Variants in MAGEB1 observed in about 807,000 individuals in gnomAD.
MAGEB1 encodes the protein MAGE family member B1, also known as melanoma-associated antigen B1.
For missense variants in MAGEB1, 290 were observed against 286.7 expected (o/e 1.01, Z -0.08); for synonymous variants, 99 against 105.7 (o/e 0.94, Z 0.39).
In MAGEB1 at chrX:30,251,941, T is replaced by G. The variant is rs1214886940; in HGVS notation, c.*404T>G. On this transcript the variant is annotated 3_prime_UTR_variant, in exon 2 of 2. Transcript: ENST00000397548. ...TAAGCAAAGCATGTCAAGTTTTTGT[T>G]TTCTGCATTCAGTTTTGTTTTTGTA... 7.4e-6 allele frequency: 1 copy of G among 135,997 alleles called. No individual in the cohort carries two copies. Among genetic ancestry groups the G allele is most frequent in the Non-Finnish European group, 1.6e-5 (1 of 61,995 alleles). 11.2% of individuals were successfully genotyped at this position (135,997 alleles called of 1,213,427 possible). A position where few individuals can be genotyped will look rare whatever the true frequency, so the allele number is the denominator to read the frequency against.
Position 30,251,946 on chromosome X carries a change from G to A in MAGEB1, c.*409G>A. ...AAAGCATGTCAAGTTTTTGTTTTCT[G>A]CATTCAGTTTTGTTTTTGTAAAATC... On this transcript the variant is annotated 3_prime_UTR_variant, in exon 2 of 2. Coordinates refer to ENST00000397548, the MANE Select transcript of MAGEB1 (RefSeq NM_177404.3). The A allele has an allele frequency of 7.4e-6, 1 of 135,131 alleles. No homozygotes were observed. The highest frequency in any genetic ancestry group is 1.6e-5 in the Non-Finnish European group (1 of 60,793). 11.1% of individuals were successfully genotyped at this position (135,131 alleles called of 1,213,427 possible).
At chrX:30,248,865 A>G (rs1232572728) in intron 1 of MAGEB1, among the ~76,000 whole-genome samples, 1 of 111,876 alleles carries the variant, frequency 8.9e-6, no homozygotes, top group East Asian at 2.8e-4. Flanking sequence ...TCCTTGGGAG[A>G]TGATGGACAA....
At chrX:30,248,102 G>A (rs901911837) in intron 1 of MAGEB1, among the ~76,000 whole-genome samples, 4 of 111,390 alleles carry the variant, frequency 3.6e-5, no homozygotes, top group African/African-American at 1.3e-4. Context: ...AGCAGTTGAT[G>A]GGTGGAGTCC....
At chrX:30,245,052 T>C (rs1220498585), upstream of MAGEB1, among the ~76,000 whole-genome samples, 1 of 111,580 alleles carries the variant, frequency 9.0e-6, no homozygotes, top group Non-Finnish European at 1.9e-5. Context: ...AGATTTTTGA[T>C]GGTGGTAAAA....
chrX:30,245,162 C>G (rs2147343474), upstream of MAGEB1, among the ~76,000 whole-genome samples: 1 of 111,921 alleles, frequency 8.9e-6, no homozygotes, highest in East Asian at 2.8e-4. Context: ...GACAACTCCA[C>G]ACTCAAAATA....
In MAGEB1 at chrX:30,251,623, T is replaced by A. The variant is rs900484738; in HGVS notation, c.*86T>A. ...AGCAGCCAAGATATGGCTAGAGAGA[T>A]CATCATATATATCTCCTTTGTGTTC... On this transcript the variant is annotated 3_prime_UTR_variant, in exon 2 of 2. Transcript: ENST00000397548. The A allele has an allele frequency of 2.5e-5, 18 of 730,221 alleles. No homozygotes were observed. The highest frequency in any genetic ancestry group is 4.3e-5 in the African/African-American group (2 of 46,813). 60.2% of individuals were successfully genotyped at this position (730,221 alleles called of 1,213,427 possible).
rs1925526683 is a variant in MAGEB1 at position 30,251,475 on chromosome X, A to G, written c.982A>G (p.Thr328Ala). The G allele has an allele frequency of 8.3e-7, 1 of 1,210,213 alleles. No homozygotes were observed. The highest frequency in any genetic ancestry group is 1.1e-6 in the Non-Finnish European group (1 of 895,271). ...CAGTGTTAGAGCCAGGCGTCGCACT[A>G]CTGCCACGACTTTTAGAGCGCGTTC... is the stretch of plus-strand genomic sequence containing the variant. ...RSSVRARRRT[T>A]ATTFRARSRA... is the part of the protein sequence containing the mutation. The change falls in exon 2 of 2, where the codon ACT becomes GCT. Residue 328 changes from threonine to alanine, a missense_variant. Transcript: ENST00000397548.
Position 30,250,624 on chromosome X carries a change from T to C in MAGEB1, c.131T>C (p.Val44Ala), listed in dbSNP as rs754476690. 8.3e-7 allele frequency: 1 copy of C among 1,209,198 alleles called. No individual in the cohort carries two copies. Residue 44 changes from valine (V) to alanine (A), a missense_variant, in exon 2 of 2, where the codon GTT (valine) becomes GCT (alanine). Physicochemically the swap from Val to Ala is moderately conservative, Grantham distance 64. Transcript: ENST00000397548. ...GAGGAGTGCCCCTCCTCCTCTCCTG[T>C]TTTAGGGGATACTCCCACAAGCTCC... is the stretch of plus-strand genomic sequence containing the variant. ...EKEECPSSSPVLGDTPTSSPA... is the reference protein window; with the variant it reads ...EKEECPSSSPALGDTPTSSPA...
upstream of MAGEB1, among the ~76,000 whole-genome samples, chrX:30,246,135 C>T (rs753146810): frequency 8.9e-6 from 1 of 111,948 alleles, no homozygotes; most frequent in East Asian, 2.8e-4. Context: ...AGGGTTCATC[C>T]AGACCCTCAG....
At position 30,250,647 on chromosome X, in the gene MAGEB1, T is replaced by TC; in HGVS notation, c.158dup (p.Ala54CysfsTer27). 8.3e-7 allele frequency: 1 copy of TC among 1,210,361 alleles called. No individual in the cohort carries two copies. Among genetic ancestry groups the TC allele is most frequent in the South Asian group, 1.8e-5 (1 of 56,616 alleles). On this transcript the variant is annotated frameshift_variant, in exon 2 of 2. Coordinates refer to ENST00000397548, the MANE Select transcript of MAGEB1 (RefSeq NM_177404.3). LOFTEE classifies it low-confidence loss of function (END_TRUNC). ...TGTTTTAGGGGATACTCCCACAAGC[T>TC]CCCCTGCTGCTGGCATTCCCCAGAA...
chrX:30,247,933 G>A (rs1384182582), intron 1 of MAGEB1, among the ~76,000 whole-genome samples: 1 of 69,991 alleles, frequency 1.4e-5, no homozygotes, highest in Non-Finnish European at 2.6e-5. Context: ...GACAGAGCGA[G>A]ACTCAGTCTC....
Position 30,250,530 on chromosome X carries a change from G to A in MAGEB1, c.37G>A (p.Glu13Lys), listed in dbSNP as rs1451680255. 1.7e-6 allele frequency: 2 copies of A among 1,203,114 alleles called. No individual in the cohort carries two copies. The highest frequency in any genetic ancestry group is 2.2e-6 in the Non-Finnish European group (2 of 891,416). Residue 13 changes from glutamate (E) to lysine (K), a missense_variant, in exon 2 of 2, where the codon GAG becomes AAG. Physicochemically the swap from Glu to Lys is moderately conservative, Grantham distance 56. Coordinates refer to ENST00000397548, the MANE Select transcript of MAGEB1 (RefSeq NM_177404.3). ...TCAGAAGAGTAAGCTCCGTGCTCGT[G>A]AGAAACGCCGCAAGGCGCGAGAGGA... ...RGQKSKLRAR[E>K]KRRKAREETQ...
chrX:30,247,830 G>C (rs1340977379), intron 1 of MAGEB1, among the ~76,000 whole-genome samples: 6 of 109,085 alleles, frequency 5.5e-5, no homozygotes, highest in African/African-American at 1.7e-4. Context: ...TGTAGTCCCA[G>C]CTACTCAGGA....
Position 30,250,726 on chromosome X carries a change from A to T in MAGEB1, c.233A>T (p.Glu78Val). The T allele has an allele frequency of 8.3e-7, 1 of 1,211,101 alleles. No individual in the cohort carries two copies. The highest frequency in any genetic ancestry group is 1.1e-6 in the Non-Finnish European group (1 of 895,141). Residue 78 changes from glutamate (E) to valine (V), a missense_variant, in exon 2 of 2, where the codon GAA becomes GTA. Coordinates refer to ENST00000397548, the MANE Select transcript of MAGEB1 (RefSeq NM_177404.3). ...GCTGCTGCAGCTGTGTCATGTACCG[A>T]ATCTGACGAAGGTGCCAAATGCCAA... ...TTAAAAVSCT[E>V]SDEGAKCQGE...
At chrX:30,250,063 C>T (rs1290720495) in intron 1 of MAGEB1, among the ~76,000 whole-genome samples, 2 of 111,686 alleles carry the variant, frequency 1.8e-5, no homozygotes, top group East Asian at 5.6e-4. Context: ...TTCCATAGAA[C>T]TGTCAGCACT....
chrX:30,249,244 G>A (rs1030837536), intron 1 of MAGEB1, among the ~76,000 whole-genome samples: 2 of 111,468 alleles, frequency 1.8e-5, no homozygotes, highest in South Asian at 3.8e-4. Context: ...GACTGGATGT[G>A]ATTCAGGCTT....
upstream of MAGEB1, among the ~76,000 whole-genome samples, chrX:30,245,450 G>A (rs1230522399): frequency 1.8e-5 from 2 of 111,973 alleles, no homozygotes; most frequent in African/African-American, 6.5e-5. Context: ...TGTAGAGCCT[G>A]AGGCTCATAG....
At chrX:30,247,995 C>G (rs1291331799) in intron 1 of MAGEB1, among the ~76,000 whole-genome samples, 1 of 104,672 alleles carries the variant, frequency 9.6e-6, no homozygotes, top group Admixed American at 1.0e-4. Context: ...TCGGCACACG[C>G]AGGCCCCAGT....
chrX:30,247,795 T>G, intron 1 of MAGEB1, among the ~76,000 whole-genome samples: 1 of 109,202 alleles, frequency 9.2e-6, no homozygotes, highest in East Asian at 2.9e-4. Context: ...ATAGAAAAAA[T>G]TAGCCAGGCG....
Sources: allele counts gnomAD v4.1 joint callset (sites outside exome capture counted in the v4.1 genomes callset), GRCh38; gene constraint gnomAD v4.1.1; transcripts MANE v1.5; gene names NCBI Gene and HGNC (gene_info 2026-07-23, HGNC 2026-07-21).